The following LINGO2 variants were observed in gnomAD, a reference collection of about 807,000 sequenced individuals.
The protein encoded by LINGO2 is leucine rich repeat and Ig domain containing 2.
LINGO2 carries 14 observed loss-of-function variants against 30.6 expected under a neutral mutation model. The ratio of observed to expected loss-of-function variants is 0.46; its 90% confidence interval spans 0.30 to 0.72. The LOEUF (loss-of-function observed/expected upper bound fraction) is 0.72, where lower values mean the gene tolerates loss of function less well. Ranked by LOEUF, LINGO2 falls within the 30% of genes least tolerant of loss-of-function variation. The probability of loss-of-function intolerance (pLI) is 0.07; values close to 1 mark genes in which losing one functional copy is unlikely to be tolerated. For missense variants in LINGO2, 729 were observed against 751.7 expected (o/e 0.97, Z 0.35); for synonymous variants, 317 against 288.5 (o/e 1.10, Z -1.00).
chr9:28,193,788 C>T (rs975158436), intron 4 of LINGO2, among the ~76,000 whole-genome samples: 1 of 152,144 alleles, frequency 6.6e-6, no homozygotes, highest in African/African-American at 2.4e-5. Context: ...TGAGTCCATT[C>T]ATGTGGAGGC....
the LINGO2 span, among the ~76,000 whole-genome samples, chr9:29,019,374 G>A: frequency 6.6e-6 from 1 of 152,098 alleles, no homozygotes; most frequent in Non-Finnish European, 1.5e-5. Context: ...TTATTTTTAG[G>A]AGACTAGTGT....
intron 2 of LINGO2, among the ~76,000 whole-genome samples, chr9:28,428,032 T>C (rs1823484752): frequency 6.6e-6 from 1 of 152,166 alleles, no homozygotes; most frequent in Admixed American, 6.6e-5. Flanking sequence ...ATACAGTCAG[T>C]TGCACCCAGG....
Position 28,182,823 on chromosome 9 carries a change from C to T in LINGO2, c.-87+112385G>A, listed in dbSNP as rs564811340. 9.5e-4 allele frequency among the ~76,000 whole-genome samples: 144 copies of T among 152,216 alleles called. 1 individual carries two copies. Among genetic ancestry groups the T allele is most frequent in the African/African-American group, 3.4e-3 (140 of 41,552 alleles). On this transcript the variant is annotated intron_variant, in intron 4 of 5. Transcript: ENST00000379992. ...CAGGAAACAACAGATGCTGGCGAGG[C>T]TGTGAAGAAATATGAACACTTTTAC...
the LINGO2 span, among the ~76,000 whole-genome samples, chr9:28,948,429 T>G: frequency 6.6e-6 from 1 of 152,082 alleles, no homozygotes; most frequent in Non-Finnish European, 1.5e-5. Context: ...AAGCTAAAGC[T>G]TTTATAAATC....
the LINGO2 span, among the ~76,000 whole-genome samples, chr9:28,885,358 T>TACACACACAC: frequency 0.036 from 5,053 of 141,994 alleles, 299 homozygotes; most frequent in African/African-American, 0.13. Flanking sequence ...GATATATATA[T>TACACACACAC]ATACACACAC....
At chr9:28,589,704 A>ATCGTGAAAATG (rs1824769398) in intron 1 of LINGO2, among the ~76,000 whole-genome samples, 1 of 152,072 alleles carries the variant, frequency 6.6e-6, no homozygotes. Flanking sequence ...AAGAATCAAT[A>ATCGTGAAAATG]TCGTGAAAAT....
the LINGO2 span, among the ~76,000 whole-genome samples, chr9:28,967,860 A>G: frequency 6.6e-6 from 1 of 152,214 alleles, no homozygotes; most frequent in East Asian, 1.9e-4. Context: ...GAGAGAAGAC[A>G]GAGAAGATTT....
In LINGO2 at chr9:28,528,221, G is replaced by A. The variant is rs149784331; in HGVS notation, c.-364-52196C>T. Among the ~76,000 whole-genome samples the A allele has an allele frequency of 4.1e-4, 62 of 152,212 alleles. No individual in the cohort carries two copies. In the East Asian group the frequency reaches 8.9e-3, roughly 22 times the overall value. ...GTTCAACTTCTGAGAAAATTACTTC[G>A]GTTTTCTGTTAAATGCCAAATTGAT... On this transcript the variant is annotated intron_variant, in intron 1 of 5. Coordinates refer to ENST00000379992, the Ensembl canonical transcript of LINGO2.
intron 3 of LINGO2, among the ~76,000 whole-genome samples, chr9:28,362,914 G>A (rs1820508463): frequency 6.6e-6 from 1 of 152,174 alleles, no homozygotes; most frequent in South Asian, 2.1e-4. Context: ...AAAAATAGAT[G>A]TCTGTCGCAT....
intron 3 of LINGO2, among the ~76,000 whole-genome samples, chr9:28,352,051 A>G (rs1490632824): frequency 8.5e-4 from 124 of 145,034 alleles, no homozygotes; most frequent in Middle Eastern, 3.5e-3. Context: ...ATCATACTGA[A>G]TGGGCAAAAA....
the LINGO2 span, among the ~76,000 whole-genome samples, chr9:28,884,462 T>C: frequency 6.6e-6 from 1 of 152,118 alleles, no homozygotes; most frequent in Non-Finnish European, 1.5e-5. Context: ...TCGAAAAGAA[T>C]ATAATTTTGT....
chr9:28,774,635 T>A, the LINGO2 span, among the ~76,000 whole-genome samples: 1 of 151,402 alleles, frequency 6.6e-6, no homozygotes, highest in Non-Finnish European at 1.5e-5. Flanking sequence ...GCACTAGAGG[T>A]CGCTAAAACC....
chr9:28,983,318 C>CAAAAAAAAAAA, the LINGO2 span, among the ~76,000 whole-genome samples: 2 of 130,980 alleles, frequency 1.5e-5, no homozygotes, highest in Non-Finnish European at 3.3e-5. Context: ...ATGAGGTATC[C>CAAAAAAAAAAA]AAAAAAAAAA....
intron 5 of LINGO2, among the ~76,000 whole-genome samples, chr9:27,956,614 C>G (rs537087692): frequency 6.6e-6 from 1 of 151,964 alleles, no homozygotes; most frequent in African/African-American, 2.4e-5. Flanking sequence ...CCCCTAGAGC[C>G]TATATGCCAA....
intron 4 of LINGO2, among the ~76,000 whole-genome samples, chr9:28,251,500 A>G (rs763647700): frequency 6.6e-6 from 1 of 152,170 alleles, no homozygotes; most frequent in Non-Finnish European, 1.5e-5. Context: ...ATTAGTTGTC[A>G]TTTATCCTGA....
intron 4 of LINGO2, among the ~76,000 whole-genome samples, chr9:28,123,777 C>T (rs1827164416): frequency 6.6e-6 from 1 of 151,928 alleles, no homozygotes; most frequent in African/African-American, 2.4e-5. Context: ...TATTTTCCTG[C>T]CTCAGCCTCC....
At chr9:28,101,321 T>C (rs150595965) in intron 4 of LINGO2, among the ~76,000 whole-genome samples, 3 of 152,202 alleles carry the variant, frequency 2.0e-5, no homozygotes, top group African/African-American at 7.2e-5. Context: ...AGTCCTGAGT[T>C]TGCTAAAGGC....
At chr9:29,040,173 A>G in the LINGO2 span, among the ~76,000 whole-genome samples, 955 of 152,194 alleles carry the variant, frequency 6.3e-3, 6 homozygotes, top group Non-Finnish European at 8.6e-3. Flanking sequence ...TTTCTTGGCT[A>G]TCTATTATAT....
the LINGO2 span, among the ~76,000 whole-genome samples, chr9:28,826,827 T>C: frequency 6.6e-6 from 1 of 152,180 alleles, no homozygotes; most frequent in Admixed American, 6.6e-5. Flanking sequence ...GCTGCACGAT[T>C]GCAGTAAAGT....
Sources: allele counts gnomAD v4.1 joint callset (sites outside exome capture counted in the v4.1 genomes callset), GRCh38; gene constraint gnomAD v4.1.1; transcripts MANE v1.5; gene names NCBI Gene and HGNC (gene_info 2026-07-23, HGNC 2026-07-21).